NBPF26: variants seen among roughly 807,000 people sequenced by gnomAD.
NBPF26 encodes NBPF family member NBPF26.
A neutral mutation model predicts 119.6 loss-of-function variants in NBPF26; 79 were observed. The ratio of observed to expected loss-of-function variants is 0.66; its 90% confidence interval spans 0.55 to 0.80. The LOEUF (loss-of-function observed/expected upper bound fraction) is 0.80, where lower values mean the gene tolerates loss of function less well. Among genes scored for constraint, NBPF26 ranks in the 30% least tolerant of loss-of-function variants. NBPF26 has a pLI of 0.00. For missense variants in NBPF26, 800 were observed against 1,198.2 expected, an observed-to-expected ratio of 0.67 and a Z score of 4.91; for synonymous variants, 299 against 457.7, an observed-to-expected ratio of 0.65 and a Z score of 4.43.
chr1:120,809,901 G>A lies in NBPF26; in HGVS notation c.1352+18G>A. ...GCCCCCAGGTAACACTGAATACTCA[G>A]GAGCAAGTAATGGGTGGTAACATAT... On this transcript the variant is annotated intron_variant, in intron 8 of 29. Transcript: ENST00000620612. 6.6e-7 allele frequency: 1 copy of A among 1,523,712 alleles called. No homozygotes were observed. Among genetic ancestry groups the A allele is most frequent in the South Asian group, 1.1e-5 (1 of 87,738 alleles). 94.4% of individuals were successfully genotyped at this position (1,523,712 alleles called of 1,614,324 possible).
Position 120,724,145 on chromosome 1 carries a change from G to A in NBPF26, c.-33G>A. 2.2e-6 allele frequency: 3 copies of A among 1,365,274 alleles called. 1 individual carries two copies. Among genetic ancestry groups the A allele is most frequent in the Admixed American group, 2.3e-5 (1 of 42,716 alleles). 84.6% of individuals were successfully genotyped at this position (1,365,274 alleles called of 1,614,324 possible). On this transcript the variant is annotated 5_prime_UTR_variant, in exon 1 of 30. Coordinates refer to ENST00000620612, the Ensembl canonical transcript of NBPF26. ...ATCTGCCCAGGCGGCGGCGGCGGCGGCGGCGGAGGAGGAGGAGGAGGCGAC... is the reference window on the plus strand; with the variant it reads ...ATCTGCCCAGGCGGCGGCGGCGGCGACGGCGGAGGAGGAGGAGGAGGCGAC...
At chr1:120,767,859 A>G (rs1323367260) in intron 2 of NBPF26, among the ~76,000 whole-genome samples, 3 of 112,270 alleles carry the variant, frequency 2.7e-5, no homozygotes, top group Non-Finnish European at 5.0e-5. Flanking sequence ...TTGACAAAAT[A>G]TGTATTTTAA....
intron 2 of NBPF26, among the ~76,000 whole-genome samples, chr1:120,775,713 A>T (rs1302636857): frequency 1.5e-5 from 1 of 65,358 alleles, no homozygotes. Flanking sequence ...TTTTTTTTTT[A>T]GTCAGGGCTC....
rs2101465029 is a variant in NBPF26 at position 120,790,210 on chromosome 1, T to G, written c.416-2951T>G. On this transcript the variant is annotated intron_variant, in intron 3 of 29. Coordinates refer to ENST00000620612, the Ensembl canonical transcript of NBPF26. ...TTTGTATTTTTAGTAGAGATGGGCT[T>G]TCACCTTGTTAGCCAGAATGGTCTG... is the stretch of plus-strand genomic sequence containing the variant. 1.9e-5 allele frequency among the ~76,000 whole-genome samples: 2 copies of G among 104,522 alleles called. 1 individual carries two copies. The highest frequency in any genetic ancestry group is 4.6e-4 in the East Asian group (2 of 4,338). The allele number at this position is 104,522 out of a possible 152,430, so 68.6% of individuals were successfully genotyped here.
intron 2 of NBPF26, among the ~76,000 whole-genome samples, chr1:120,778,457 T>C (rs1346723310): frequency 2.7e-5 from 3 of 111,550 alleles, no homozygotes; most frequent in Non-Finnish European, 5.0e-5. Flanking sequence ...GACTTTTTTT[T>C]CCCCTTCGTT....
chr1:120,756,316 C>T lies in NBPF26; in HGVS notation c.74-7312C>T, dbSNP rs1297033568. On this transcript the variant is annotated intron_variant, in intron 1 of 29. Transcript: ENST00000620612. ...GCCAACCACAGCCAAGATCCTAGGGCGTAAACTCAGACTTCATCTCTCAAA... is the reference window on the plus strand; with the variant it reads ...GCCAACCACAGCCAAGATCCTAGGGTGTAAACTCAGACTTCATCTCTCAAA... Among the ~76,000 whole-genome samples, 3 of 116,120 alleles carry T rather than the reference C, an allele frequency of 2.6e-5. 1 individual carries two copies. The highest frequency in any genetic ancestry group is 1.5e-4 in the African/African-American group (3 of 20,094). The allele number at this position is 116,120 out of a possible 152,430, so 76.2% of individuals were successfully genotyped here. A position where few individuals can be genotyped will look rare whatever the true frequency, so the allele number is the denominator to read the frequency against.
intron 2 of NBPF26, 46 bp downstream of exon 2, chr1:120,763,755 G>C: frequency 1.4e-6 from 1 of 720,366 alleles, no homozygotes; most frequent in Non-Finnish European, 2.4e-6. Context: ...TAGAACACTG[G>C]ACAAGATTTG....
intron 12 of NBPF26, among the ~76,000 whole-genome samples, chr1:120,815,478 T>G (rs1351183560): frequency 0.78 from 71,911 of 92,690 alleles, 31,505 homozygotes; most frequent in African/African-American, 0.88. Flanking sequence ...CTCTTGCAAG[T>G]GTCTGAAGCA....
intron 1 of NBPF26, among the ~76,000 whole-genome samples, chr1:120,760,180 C>CTTT (rs1161423259): frequency 1.3e-4 from 2 of 15,166 alleles, no homozygotes; most frequent in East Asian, 6.0e-4. Flanking sequence ...TCTACCACAG[C>CTTT]TTTTTTTTTT....
chr1:120,736,509 A>G (rs1650909629), intron 1 of NBPF26, among the ~76,000 whole-genome samples: 1 of 115,456 alleles, frequency 8.7e-6, no homozygotes, highest in Non-Finnish European at 1.9e-5. Flanking sequence ...AGGAAATAGG[A>G]ACATCATCTT....
At position 120,837,866 on chromosome 1, in the gene NBPF26, T is replaced by C. The variant is rs1470747879; in HGVS notation, c.3770-185T>C. On this transcript the variant is annotated intron_variant, in intron 26 of 29. Transcript: ENST00000620612. ...CTACCAGAATGGGGATATTTCACCCTTGGTTCTGAGATGCAAACCAAAGAA... is the reference window on the plus strand; with the variant it reads ...CTACCAGAATGGGGATATTTCACCCCTGGTTCTGAGATGCAAACCAAAGAA... Among the ~76,000 whole-genome samples, 7 of 101,138 alleles carry C rather than the reference T, an allele frequency of 6.9e-5. No homozygotes were observed. In the South Asian group the frequency reaches 1.1e-3, roughly 15 times the overall value. 66.4% of individuals were successfully genotyped at this position (101,138 alleles called of 152,430 possible). A position where few individuals can be genotyped will look rare whatever the true frequency, so the allele number is the denominator to read the frequency against.
At chr1:120,780,087 T>G (rs1366693696) in intron 2 of NBPF26, among the ~76,000 whole-genome samples, 8 of 126,430 alleles carry the variant, frequency 6.3e-5, no homozygotes, top group Admixed American at 3.8e-4. Context: ...AGACTGACTT[T>G]ATCCATCACA....
intron 29 of NBPF26, among the ~76,000 whole-genome samples, chr1:120,839,957 G>T (rs1652470244): frequency 5.2e-5 from 2 of 38,536 alleles, no homozygotes; most frequent in South Asian, 9.7e-4. Flanking sequence ...TACTTCAAAA[G>T]TTGTACTCTC....
At chr1:120,813,334 G>A (rs1244425383) in intron 10 of NBPF26, among the ~76,000 whole-genome samples, 2 of 127,680 alleles carry the variant, frequency 1.6e-5, no homozygotes, top group Non-Finnish European at 3.2e-5. Context: ...TAACATTTGG[G>A]CATATTTCCT....
In NBPF26 at chr1:120,745,845, G is replaced by T. The variant is rs1353682413; in HGVS notation, c.74-17783G>T. Reference sequence around the variant, plus strand: ...AAAAAAAAAAAAAAAACAAGGTAAAGTAATTTTTCAAGAGCACAAAAATAG... The same window carrying T: ...AAAAAAAAAAAAAAAACAAGGTAAATTAATTTTTCAAGAGCACAAAAATAG... On this transcript the variant is annotated intron_variant, in intron 1 of 29. Coordinates refer to ENST00000620612, the Ensembl canonical transcript of NBPF26. 2.5e-5 allele frequency among the ~76,000 whole-genome samples: 2 copies of T among 81,494 alleles called. 1 individual carries two copies. The highest frequency in any genetic ancestry group is 1.7e-4 in the African/African-American group (2 of 11,912). The allele number at this position is 81,494 out of a possible 152,430, so 53.5% of individuals were successfully genotyped here. A position where few individuals can be genotyped will look rare whatever the true frequency, so the allele number is the denominator to read the frequency against.
At chr1:120,818,640 A>G (rs1374465622) in intron 15 of NBPF26, among the ~76,000 whole-genome samples, 2 of 125,518 alleles carry the variant, frequency 1.6e-5, no homozygotes, top group African/African-American at 3.7e-5. Context: ...TTTTCCCTCT[A>G]CACATTGCTT....
chr1:120,812,880 G>T (rs1410600941), intron 10 of NBPF26, among the ~76,000 whole-genome samples: 3 of 111,746 alleles, frequency 2.7e-5, no homozygotes, highest in African/African-American at 1.5e-4. Context: ...CCAAGATTTT[G>T]CCATTGCACT....
intron 1 of NBPF26, among the ~76,000 whole-genome samples, chr1:120,761,365 CTT>C (rs1651135457): frequency 9.0e-6 from 1 of 110,818 alleles, no homozygotes; most frequent in South Asian, 2.7e-4. Flanking sequence ...CACAGGGAAC[CTT>C]TAGGGACATT....
rs1652497552 is a variant in NBPF26 at position 120,840,615 on chromosome 1, G to A, written c.*22G>A. 9 of 1,458,744 alleles carry A rather than the reference G, an allele frequency of 6.2e-6. 3 individuals carry two copies. The highest frequency in any genetic ancestry group is 3.6e-5 in the South Asian group (3 of 84,172). 90.4% of individuals were successfully genotyped at this position (1,458,744 alleles called of 1,614,324 possible). ...ATAAGCAGCCCTTACTAAGCCGAGA[G>A]GTGTCATTCCTGCAGGCAGGACCTA... On this transcript the variant is annotated 3_prime_UTR_variant, in exon 30 of 30. Coordinates refer to ENST00000620612, the Ensembl canonical transcript of NBPF26.
Sources: allele counts gnomAD v4.1 joint callset (sites outside exome capture counted in the v4.1 genomes callset), GRCh38; gene constraint gnomAD v4.1.1; transcripts MANE v1.5; gene names NCBI Gene and HGNC (gene_info 2026-07-23, HGNC 2026-07-21).